The following TRDN variants were observed in gnomAD, a reference collection of about 807,000 sequenced individuals.
TRDN encodes the protein triadin.
A neutral mutation model predicts 149.7 loss-of-function variants in TRDN; 161 were observed. The observed-to-expected ratio is 1.08, with a 90% CI of 0.95 to 1.23. TRDN has a LOEUF of 1.23. TRDN is among the 50% of genes most tolerant of loss of function. The probability of loss-of-function intolerance (pLI) is 0.00; values close to 1 mark genes in which losing one functional copy is unlikely to be tolerated. For synonymous variants in TRDN, 294 were observed against 250.5 expected, an observed-to-expected ratio of 1.17 and a Z score of -1.64; for missense variants, 896 against 823.5, an observed-to-expected ratio of 1.09 and a Z score of -1.08.
chr6:123,351,447 T>G lies in TRDN; in HGVS notation c.1369+1092A>C, dbSNP rs184717327. On this transcript the variant is annotated intron_variant, in intron 21 of 40. Coordinates refer to ENST00000334268, the MANE Select transcript of TRDN (RefSeq NM_006073.4). ...ATTTCAGAAACTAAAATTCCACTCT[T>G]CTTCAAAAAGAAACCAACAGAAACA... The G allele has an allele frequency of 1.0e-5, 10 of 984,764 alleles. No homozygotes were observed. The African/African-American group carries it at 1.4e-4, about 14-fold the overall frequency. 61.0% of individuals were successfully genotyped at this position (984,764 alleles called of 1,614,324 possible).
chr6:123,400,411 G>C (rs1386872093), intron 12 of TRDN, among the ~76,000 whole-genome samples: 4 of 151,978 alleles, frequency 2.6e-5, no homozygotes, highest in African/African-American at 4.8e-5. Flanking sequence ...GGATGGTTTT[G>C]AGATGAAACT....
At position 123,503,211 on chromosome 6, in the gene TRDN, A is replaced by G; in HGVS notation, c.793+508T>C. ...TTCTCTATAACATCTTGCCTATTAA[A>G]TAAATTTAATAATTGGATGTATATT... On this transcript the variant is annotated intron_variant, in intron 8 of 40. Coordinates refer to ENST00000334268, the MANE Select transcript of TRDN (RefSeq NM_006073.4). 4 of 984,338 alleles carry G rather than the reference A, an allele frequency of 4.1e-6. No individual in the cohort carries two copies. The South Asian group carries it at 1.9e-4, about 46-fold the overall frequency. The allele number at this position is 984,338 out of a possible 1,614,324, so 61.0% of individuals were successfully genotyped here. A position where few individuals can be genotyped will look rare whatever the true frequency, so the allele number is the denominator to read the frequency against.
chr6:123,383,245 T>C (rs73771938), intron 14 of TRDN, among the ~76,000 whole-genome samples: 2,613 of 152,174 alleles, frequency 0.017, 60 homozygotes, highest in African/African-American at 0.053. Flanking sequence ...AGTTAGATGG[T>C]CAACAAAATT....
intron 38 of TRDN, among the ~76,000 whole-genome samples, chr6:123,241,669 A>T (rs1411482108): frequency 6.6e-6 from 1 of 152,038 alleles, no homozygotes; most frequent in East Asian, 1.9e-4. Context: ...CTTTTCTAGC[A>T]GGCTTGGTTG....
At chr6:123,593,486 G>A (rs1205472754) in intron 1 of TRDN, among the ~76,000 whole-genome samples, 2 of 152,202 alleles carry the variant, frequency 1.3e-5, no homozygotes, top group Non-Finnish European at 2.9e-5. Flanking sequence ...ACACAAATGT[G>A]TTGCCACACA....
At chr6:123,381,800 T>A (rs1214151746) in intron 15 of TRDN, among the ~76,000 whole-genome samples, 1 of 152,092 alleles carries the variant, frequency 6.6e-6, no homozygotes, top group Non-Finnish European at 1.5e-5. Context: ...ATTTAGTGTG[T>A]GCTTTCTAGT....
At chr6:123,436,609 A>AT (rs377369954) in intron 12 of TRDN, among the ~76,000 whole-genome samples, 2 of 151,834 alleles carry the variant, frequency 1.3e-5, no homozygotes, top group African/African-American at 4.8e-5. Context: ...CACCACCATC[A>AT]TTTTTTCCAC....
intron 9 of TRDN, chr6:123,469,999 C>G (rs1777061290): frequency 2.0e-5 from 3 of 152,134 alleles, no homozygotes; most frequent in Admixed American, 2.0e-4. Flanking sequence ...AAAGGTTCAT[C>G]TTTAATATTA....
At chr6:123,413,599 A>C (rs1773530633) in intron 12 of TRDN, among the ~76,000 whole-genome samples, 1 of 152,188 alleles carries the variant, frequency 6.6e-6, no homozygotes, top group South Asian at 2.1e-4. Flanking sequence ...ATTCTCCAGG[A>C]ATAAATAGGG....
At chr6:123,312,102 T>C (rs1772199468) in intron 24 of TRDN, among the ~76,000 whole-genome samples, 1 of 151,928 alleles carries the variant, frequency 6.6e-6, no homozygotes, top group African/African-American at 2.4e-5. Context: ...GGGGTTCCAG[T>C]TACTCAAGAC....
intron 14 of TRDN, among the ~76,000 whole-genome samples, 172 bp downstream of exon 14, chr6:123,388,350 C>T (rs995763848): frequency 6.6e-6 from 1 of 152,036 alleles, no homozygotes; most frequent in Non-Finnish European, 1.5e-5. Context: ...CAAAAAGTAG[C>T]TCACCCTTCT....
intron 33 of TRDN, among the ~76,000 whole-genome samples, chr6:123,262,677 T>C (rs1054406938): frequency 2.6e-5 from 4 of 152,098 alleles, no homozygotes; most frequent in Non-Finnish European, 5.9e-5. Flanking sequence ...TTGGTGTAAT[T>C]TTTCCAATGG....
chr6:123,526,837 A>G (rs1779975270), intron 5 of TRDN, among the ~76,000 whole-genome samples: 1 of 152,032 alleles, frequency 6.6e-6, no homozygotes, highest in Non-Finnish European at 1.5e-5. Context: ...TACTAAAGAT[A>G]GAGAAAAAAG....
intron 1 of TRDN, among the ~76,000 whole-genome samples, chr6:123,627,542 G>A (rs531022642): frequency 4.9e-4 from 75 of 152,204 alleles, no homozygotes; most frequent in African/African-American, 1.8e-3. Context: ...ATTCTTTAGA[G>A]CCCTGGAATT....
At chr6:123,600,579 T>C (rs1784235171) in intron 1 of TRDN, among the ~76,000 whole-genome samples, 1 of 152,072 alleles carries the variant, frequency 6.6e-6, no homozygotes, top group Non-Finnish European at 1.5e-5. Flanking sequence ...GGACATAATC[T>C]GAGGGAACAG....
chr6:123,623,780 T>C (rs1490646955), intron 1 of TRDN, among the ~76,000 whole-genome samples: 1 of 152,146 alleles, frequency 6.6e-6, no homozygotes, highest in Non-Finnish European at 1.5e-5. Flanking sequence ...TTTATGTCAG[T>C]CCCTGACCAA....
chr6:123,274,826 T>A lies in TRDN; in HGVS notation c.1568-156A>T, dbSNP rs573471811. Among the ~76,000 whole-genome samples the A allele has an allele frequency of 2.0e-5, 3 of 152,144 alleles. No individual in the cohort carries two copies. In the South Asian group the frequency reaches 6.2e-4, roughly 32 times the overall value. Reference sequence around the variant, plus strand: ...AGGCAGAGGTTTCAGTGAGCTGAGATCATGCCACTGCACTCCAGCTTAGGT... The same window carrying A: ...AGGCAGAGGTTTCAGTGAGCTGAGAACATGCCACTGCACTCCAGCTTAGGT... On this transcript the variant is annotated intron_variant, in intron 26 of 40. Coordinates refer to ENST00000334268, the MANE Select transcript of TRDN (RefSeq NM_006073.4).
At chr6:123,410,870 A>G (rs752767665) in intron 12 of TRDN, among the ~76,000 whole-genome samples, 1 of 152,006 alleles carries the variant, frequency 6.6e-6, no homozygotes, top group Non-Finnish European at 1.5e-5. Context: ...TCACAAATAC[A>G]TAACAAAATG....
chr6:123,384,669 A>T (rs1176516859), intron 14 of TRDN, among the ~76,000 whole-genome samples: 1 of 152,184 alleles, frequency 6.6e-6, no homozygotes, highest in Non-Finnish European at 1.5e-5. Flanking sequence ...TCAGATATCA[A>T]TTGTATTAAA....
Sources: gnomAD v4.1 joint callset for allele counts (sites outside exome capture counted in the v4.1 genomes callset) on GRCh38, gnomAD v4.1.1 for gene constraint, MANE v1.5 for transcripts, NCBI Gene and HGNC (gene_info 2026-07-23, HGNC 2026-07-21) for gene names.